Variants in ZNF148 observed in about 807,000 individuals in gnomAD.
ZNF148 encodes zinc finger protein 148.
A neutral mutation model predicts 67.7 loss-of-function variants in ZNF148; 7 were observed. The observed-to-expected ratio is 0.10, with a 90% CI of 0.06 to 0.19. ZNF148 has a LOEUF of 0.19. ZNF148 is among the 10% of genes least tolerant of loss of function. The probability of loss-of-function intolerance (pLI) is 1.00; values close to 1 mark genes in which losing one functional copy is unlikely to be tolerated. For missense variants in ZNF148, 583 were observed against 947.1 expected (o/e 0.62, Z 5.05); for synonymous variants, 333 against 330.7 (o/e 1.01, Z -0.08).
intron 1 of ZNF148, among the ~76,000 whole-genome samples, chr3:125,343,822 C>T (rs557132223): frequency 3.3e-5 from 5 of 152,092 alleles, no homozygotes; most frequent in African/African-American, 1.2e-4. Flanking sequence ...TCACTGAACG[C>T]AAAGGTCCAT....
intron 4 of ZNF148, among the ~76,000 whole-genome samples, chr3:125,303,670 T>A (rs1319206195): frequency 6.6e-6 from 1 of 152,146 alleles, no homozygotes; most frequent in African/African-American, 2.4e-5. Flanking sequence ...GGGCTCCTAC[T>A]GACTCTACAT....
intron 1 of ZNF148, among the ~76,000 whole-genome samples, chr3:125,349,111 A>G (rs953985163): frequency 6.6e-6 from 1 of 152,244 alleles, no homozygotes; most frequent in Non-Finnish European, 1.5e-5. Flanking sequence ...AACTTTAATA[A>G]GGCCTGAAAC....
At chr3:125,355,415 C>T (rs1942304564) in intron 1 of ZNF148, among the ~76,000 whole-genome samples, 1 of 152,144 alleles carries the variant, frequency 6.6e-6, no homozygotes, top group Non-Finnish European at 1.5e-5. Context: ...GTGGAACCCC[C>T]TCAGCGTGCT....
rs566376383 is a variant in ZNF148, at chr3:125,232,058, CT to C, written c.*282del. 4.6e-3 allele frequency: 1,292 copies of C among 283,392 alleles called. No individual in the cohort carries two copies. Among genetic ancestry groups the C allele is most frequent in the East Asian group, 6.3e-3 (104 of 16,544 alleles). The allele number at this position is 283,392 out of a possible 1,614,324, so 17.6% of individuals were successfully genotyped here. A position where few individuals can be genotyped will look rare whatever the true frequency, so the allele number is the denominator to read the frequency against. The stretch of plus-strand genomic sequence containing the variant: ...AGTTAGGAAACAATTGTGCGAAAGT[CT>C]TTTTTTTTTCCTTTTTAACTTGGTG... On this transcript the variant is annotated 3_prime_UTR_variant, in exon 9 of 9. Transcript: ENST00000360647. This position sits in a 1 kb window ranked among gnomAD's most constrained non-coding sequence, Gnocchi z 4.2.
chr3:125,338,560 T>G (rs1221942043), intron 1 of ZNF148, among the ~76,000 whole-genome samples: 1 of 146,728 alleles, frequency 6.8e-6, no homozygotes, highest in Admixed American at 7.1e-5. Context: ...CTTGGAAGGC[T>G]GAGGCATGAG....
intron 4 of ZNF148, among the ~76,000 whole-genome samples, chr3:125,312,723 A>G (rs552034645): frequency 6.6e-6 from 1 of 152,360 alleles, no homozygotes; most frequent in South Asian, 2.1e-4. Flanking sequence ...AAGAATTTAC[A>G]TGATGGTTGT....
chr3:125,374,325 ATAC>A (rs202077621), intron 1 of ZNF148, among the ~76,000 whole-genome samples: 2,044 of 152,238 alleles, frequency 0.013, 18 homozygotes, highest in Non-Finnish European at 0.022. Context: ...TTTATTAATT[ATAC>A]TACATCTGTC....
intron 7 of ZNF148, among the ~76,000 whole-genome samples, chr3:125,269,528 C>T (rs923987108): frequency 2.0e-5 from 3 of 151,586 alleles, no homozygotes; most frequent in East Asian, 1.9e-4. Context: ...ATTATTTCAG[C>T]GACTGTGAAA....
At chr3:125,364,377 G>T (rs1259214406) in intron 1 of ZNF148, among the ~76,000 whole-genome samples, 1 of 152,088 alleles carries the variant, frequency 6.6e-6, no homozygotes, top group East Asian at 1.9e-4. Context: ...CTGGGTGAGT[G>T]AGACTCTGCC....
At position 125,307,533 on chromosome 3, in the gene ZNF148, T is replaced by C. The variant is rs530297966; in HGVS notation, c.333+5775A>G. 2.7e-4 allele frequency among the ~76,000 whole-genome samples: 41 copies of C among 152,358 alleles called. No homozygotes were observed. The South Asian group carries it at 7.2e-3, about 27-fold the overall frequency. ...GTTAGCCAGGATTGTCTCAATCTCC[T>C]GACCTCGTGATCCGCCCGCTTCGGC... On this transcript the variant is annotated intron_variant, in intron 4 of 8. Transcript: ENST00000360647.
chr3:125,327,092 T>C (rs1221767116), intron 2 of ZNF148, among the ~76,000 whole-genome samples: 1 of 152,006 alleles, frequency 6.6e-6, no homozygotes, highest in Non-Finnish European at 1.5e-5. Context: ...AAGCAGTAAC[T>C]GTAAGAGACA....
chr3:125,245,742 T>A (rs1259995728), intron 7 of ZNF148, among the ~76,000 whole-genome samples: 1 of 152,194 alleles, frequency 6.6e-6, no homozygotes. Context: ...GACACCATCA[T>A]CCTGTGGTCT....
intron 4 of ZNF148, among the ~76,000 whole-genome samples, chr3:125,297,385 C>A (rs1029733917): frequency 6.6e-6 from 1 of 151,954 alleles, no homozygotes; most frequent in African/African-American, 2.4e-5. Context: ...TTGGGACAGG[C>A]AAAAATTTCT....
chr3:125,313,397 C>T lies in ZNF148; in HGVS notation c.244G>A (p.Val82Ile). ...TCATTTTTCACTGTCTCCTCATGGA[C>T]CATGAGTTCATCATGTGATATCATA... ...QDMISHDELMVHEETVKNDEE... is the reference protein window; with the variant it reads ...QDMISHDELMIHEETVKNDEE... Residue 82 changes from valine to isoleucine, a missense_variant, in exon 4 of 9, where the codon GTC (valine) becomes ATC (isoleucine). By Grantham distance (29) the Val-to-Ile change is conservative. This residue lies in a region of ZNF148 where 150 missense variants were observed against 202.5 expected (regional missense o/e 0.74). Coordinates refer to ENST00000360647, the MANE Select transcript of ZNF148 (RefSeq NM_021964.3). The T allele has an allele frequency of 6.2e-7, 1 of 1,614,158 alleles. No individual in the cohort carries two copies. The highest frequency in any genetic ancestry group is 8.5e-7 in the Non-Finnish European group (1 of 1,180,026).
rs575799163 is a variant in ZNF148 at position 125,253,671 on chromosome 3, TACTG to T, written c.668-19346_668-19343del. On this transcript the variant is annotated intron_variant, in intron 7 of 8. Coordinates refer to ENST00000360647, the MANE Select transcript of ZNF148 (RefSeq NM_021964.3). Reference sequence around the variant, plus strand: ...TTTCACCAAATGTTTTCTACCTACCTACTGAGATAAAATTTCCCTCCTTAATTTG... The same window carrying T: ...TTTCACCAAATGTTTTCTACCTACCTAGATAAAATTTCCCTCCTTAATTTG... 1.4e-4 allele frequency among the ~76,000 whole-genome samples: 21 copies of T among 152,294 alleles called. No individual in the cohort carries two copies. The Middle Eastern group carries it at 0.01, about 74-fold the overall frequency.
chr3:125,286,896 T>C (rs1938689968), intron 5 of ZNF148, among the ~76,000 whole-genome samples: 1 of 152,200 alleles, frequency 6.6e-6, no homozygotes, highest in Non-Finnish European at 1.5e-5. Context: ...AAATTTGCTA[T>C]TGTAGGCATA....
intron 1 of ZNF148, among the ~76,000 whole-genome samples, chr3:125,374,608 T>G (rs1942999488): frequency 6.6e-6 from 1 of 151,908 alleles, no homozygotes; most frequent in South Asian, 2.1e-4. Flanking sequence ...TCCCACTACG[T>G]TTCCTGCAAG....
chr3:125,309,426 C>T (rs953250776), intron 4 of ZNF148, among the ~76,000 whole-genome samples: 3 of 152,068 alleles, frequency 2.0e-5, no homozygotes, highest in Non-Finnish European at 4.4e-5. Context: ...AAGAAAGAGA[C>T]ATCTTTTAAG....
At chr3:125,266,575 T>C (rs1267523963) in intron 7 of ZNF148, among the ~76,000 whole-genome samples, 3 of 152,060 alleles carry the variant, frequency 2.0e-5, no homozygotes. Flanking sequence ...GCAAAAGCAG[T>C]GTTAAGAGGA....
Sources: allele counts gnomAD v4.1 joint callset (sites outside exome capture counted in the v4.1 genomes callset), GRCh38; gene constraint gnomAD v4.1.1; regional missense constraint gnomAD v4.1.1; non-coding constraint Gnocchi (gnomAD v3.1); transcripts MANE v1.5; gene names NCBI Gene and HGNC (gene_info 2026-07-23, HGNC 2026-07-21).